PID1: variants seen among roughly 807,000 people sequenced by gnomAD.
PID1 encodes phosphotyrosine interaction domain containing 1, also known as PTB-containing, cubilin and LRP1-interacting protein.
Under a neutral mutation model 19.1 loss-of-function variants are expected in PID1, and 10 were observed. The observed-to-expected ratio is 0.52, with a 90% confidence interval of 0.32 to 0.89. The LOEUF (loss-of-function observed/expected upper bound fraction) is 0.89. Among genes scored for constraint, PID1 ranks in the 40% least tolerant of loss-of-function variants. PID1 has a pLI of 0.03. For missense variants in PID1, 248 were observed against 285.3 expected (o/e 0.87, Z 0.94); for synonymous variants, 130 against 116.0 (o/e 1.12, Z -0.78).
At chr2:229,068,324 G>T (rs371659623) in intron 2 of PID1, among the ~76,000 whole-genome samples, 1 of 152,100 alleles carries the variant, frequency 6.6e-6, no homozygotes, top group Non-Finnish European at 1.5e-5. Flanking sequence ...TTTAATGCTT[G>T]GCTCATGAGG....
chr2:229,053,688 C>A (rs1045054932), intron 2 of PID1, among the ~76,000 whole-genome samples: 12 of 152,168 alleles, frequency 7.9e-5, no homozygotes, highest in Admixed American at 7.9e-4. Context: ...ACTGGTCTAT[C>A]GTTTTTGGAC....
intron 1 of PID1, among the ~76,000 whole-genome samples, chr2:229,213,805 G>C (rs985256010): frequency 6.6e-6 from 1 of 152,120 alleles, no homozygotes; most frequent in Non-Finnish European, 1.5e-5. Flanking sequence ...ACAATATGTT[G>C]TCTTCATTTA....
chr2:229,209,752 C>T (rs1054273023), intron 1 of PID1, among the ~76,000 whole-genome samples: 19 of 152,130 alleles, frequency 1.2e-4, no homozygotes, highest in African/African-American at 4.3e-4. Context: ...AAGTGGAATG[C>T]TATTCTTTTT....
intron 2 of PID1, among the ~76,000 whole-genome samples, chr2:229,036,525 C>T (rs947758812): frequency 1.3e-5 from 2 of 151,914 alleles, no homozygotes; most frequent in Admixed American, 6.6e-5. Flanking sequence ...CTGAGGCAGG[C>T]AGATCATGAT....
chr2:229,120,780 G>A (rs770977838), intron 2 of PID1, among the ~76,000 whole-genome samples: 12 of 152,094 alleles, frequency 7.9e-5, no homozygotes, highest in African/African-American at 2.2e-4. Flanking sequence ...GAGTCATGGG[G>A]GTAGATCCCT....
rs76383259 is a variant in PID1, at chr2:229,072,961, A to G, written c.178-46853T>C. ...TATAAGATGAACAAACCTACTCAGC[A>G]AGGTGATTACAAACTGCAGGGCCTA... On this transcript the variant is annotated intron_variant, in intron 2 of 2. Transcript: ENST00000392055. Among the ~76,000 whole-genome samples, 265 of 152,354 alleles carry G rather than the reference A, an allele frequency of 1.7e-3. 3 individuals carry two copies. Among genetic ancestry groups the G allele is most frequent in the African/African-American group, 5.8e-3 (241 of 41,580 alleles).
chr2:229,232,431 C>CCA (rs751526239), intron 1 of PID1, among the ~76,000 whole-genome samples: 4 of 41,354 alleles, frequency 9.7e-5, no homozygotes, highest in Non-Finnish European at 1.5e-4. Context: ...GACTCCATCT[C>CCA]AAAAAAAAAA....
At chr2:229,206,065 T>C (rs551138333) in intron 1 of PID1, among the ~76,000 whole-genome samples, 1 of 152,098 alleles carries the variant, frequency 6.6e-6, no homozygotes, top group Non-Finnish European at 1.5e-5. Flanking sequence ...CAGAAATAGA[T>C]CCTGTGTGCT....
chr2:229,064,083 T>C (rs1183970457), intron 2 of PID1, among the ~76,000 whole-genome samples: 1 of 152,100 alleles, frequency 6.6e-6, no homozygotes, highest in Non-Finnish European at 1.5e-5. Flanking sequence ...AGTGTGTAAG[T>C]CACCTAATTG....
intron 2 of PID1, among the ~76,000 whole-genome samples, chr2:229,076,125 A>G (rs938989789): frequency 2.6e-5 from 4 of 152,196 alleles, no homozygotes; most frequent in African/African-American, 9.7e-5. Flanking sequence ...GACCTTCTGG[A>G]TTGAAGTTTC....
intron 2 of PID1, among the ~76,000 whole-genome samples, chr2:229,082,619 T>A (rs1000755225): frequency 2.6e-5 from 4 of 152,280 alleles, no homozygotes; most frequent in African/African-American, 9.6e-5. Flanking sequence ...GATGGAGTCA[T>A]GTGAAAAGGG....
At chr2:229,177,658 G>C (rs1038216240) in intron 1 of PID1, among the ~76,000 whole-genome samples, 11 of 152,016 alleles carry the variant, frequency 7.2e-5, no homozygotes, top group African/African-American at 1.2e-4. Context: ...GATAAGGAAA[G>C]GATTCATATG....
chr2:229,034,099 ATTACAAGC>A (rs1455398552), intron 2 of PID1, among the ~76,000 whole-genome samples: 1 of 152,186 alleles, frequency 6.6e-6, no homozygotes, highest in Non-Finnish European at 1.5e-5. Flanking sequence ...ATGAACCTGT[ATTACAAGC>A]TTTAAGCCAC....
At chr2:229,125,301 G>C (rs1430668617) in intron 2 of PID1, among the ~76,000 whole-genome samples, 1 of 151,834 alleles carries the variant, frequency 6.6e-6, no homozygotes, top group South Asian at 2.1e-4. Flanking sequence ...CCAGCAATGA[G>C]TATGTGGTAT....
intron 2 of PID1, among the ~76,000 whole-genome samples, chr2:229,120,654 C>A: frequency 6.6e-6 from 1 of 150,862 alleles, no homozygotes; most frequent in East Asian, 1.9e-4. Context: ...AATGTATACA[C>A]CCAATGAGAT....
intron 2 of PID1, among the ~76,000 whole-genome samples, chr2:229,137,480 A>G (rs10198246): frequency 0.19 from 29,088 of 152,216 alleles, 3,000 homozygotes; most frequent in Non-Finnish European, 0.23. Flanking sequence ...AATACTTACT[A>G]CATTTCAAAT....
intron 2 of PID1, among the ~76,000 whole-genome samples, chr2:229,068,165 T>C (rs1694370784): frequency 6.6e-6 from 1 of 152,178 alleles, no homozygotes; most frequent in Admixed American, 6.5e-5. Flanking sequence ...TAATGCACAA[T>C]TGTAGAACCA....
chr2:229,171,076 C>T (rs2106209626), intron 1 of PID1, among the ~76,000 whole-genome samples: 1 of 152,334 alleles, frequency 6.6e-6, no homozygotes, highest in Non-Finnish European at 1.5e-5. Context: ...AAGTGCTCAG[C>T]TTGACAGTAT....
intron 2 of PID1, among the ~76,000 whole-genome samples, chr2:229,086,620 C>T (rs921099164): frequency 2.6e-5 from 4 of 152,026 alleles, no homozygotes; most frequent in Non-Finnish European, 5.9e-5. Context: ...AAACATTAGG[C>T]GGCTCTTTCA....
Sources: allele counts gnomAD v4.1 joint callset (sites outside exome capture counted in the v4.1 genomes callset), GRCh38; gene constraint gnomAD v4.1.1; transcripts MANE v1.5; gene names NCBI Gene and HGNC (gene_info 2026-07-23, HGNC 2026-07-21).